The following PLXNA4 variants were observed in gnomAD, a reference collection of about 807,000 sequenced individuals.
PLXNA4 encodes plexin A4.
A neutral mutation model predicts 191.8 loss-of-function variants in PLXNA4; 44 were observed. The ratio of observed to expected loss-of-function variants is 0.23; its 90% CI spans 0.18 to 0.29. PLXNA4 has a LOEUF of 0.29. Among genes scored for constraint, PLXNA4 ranks in the 10% least tolerant of loss-of-function variants. PLXNA4 has a pLI of 1.00. For synonymous variants in PLXNA4, 1,082 were observed against 1,009.5 expected, an observed-to-expected ratio of 1.07 and a Z score of -1.36; for missense variants, 1,800 against 2,488.8, an observed-to-expected ratio of 0.72 and a Z score of 5.89.
chr7:132,350,575 G>A (rs986857514), intron 3 of PLXNA4, among the ~76,000 whole-genome samples: 17 of 152,094 alleles, frequency 1.1e-4, no homozygotes, highest in Non-Finnish European at 2.1e-4. Flanking sequence ...AAATCATAGC[G>A]TCAATGAGCA....
intron 1 of PLXNA4, among the ~76,000 whole-genome samples, chr7:132,537,916 A>G (rs1799916978): frequency 6.6e-6 from 1 of 152,246 alleles, no homozygotes; most frequent in Admixed American, 6.5e-5. Flanking sequence ...CTGGACACAC[A>G]GCCTGGGATC....
At chr7:132,223,972 C>T (rs1329306537) in intron 8 of PLXNA4, among the ~76,000 whole-genome samples, 1 of 152,098 alleles carries the variant, frequency 6.6e-6, no homozygotes, top group East Asian at 1.9e-4. Flanking sequence ...GTAGACAGAC[C>T]TAAGAGTTGG....
chr7:132,360,780 G>A (rs76714753), intron 3 of PLXNA4, among the ~76,000 whole-genome samples: 8,469 of 152,212 alleles, frequency 0.056, 479 homozygotes, highest in East Asian at 0.25. Context: ...TCTGCATTGG[G>A]CTGGCTTTAG....
intron 29 of PLXNA4, among the ~76,000 whole-genome samples, chr7:132,142,691 C>T (rs547366252): frequency 5.9e-5 from 9 of 152,268 alleles, no homozygotes; most frequent in Admixed American, 2.6e-4. Context: ...GGATGGCACC[C>T]AGGAAAGCTC....
chr7:132,337,108 T>G (rs962917278), intron 3 of PLXNA4, among the ~76,000 whole-genome samples: 2 of 152,232 alleles, frequency 1.3e-5, no homozygotes, highest in East Asian at 3.8e-4. Flanking sequence ...GCGGTGGCAA[T>G]GTGTCCGCAG....
At chr7:132,312,049 C>T (rs1045850770) in intron 3 of PLXNA4, among the ~76,000 whole-genome samples, 3 of 152,032 alleles carry the variant, frequency 2.0e-5, no homozygotes, top group South Asian at 4.2e-4. Flanking sequence ...TTAAGCCACC[C>T]CCGCCCTCAG....
chr7:132,267,905 C>A (rs148550078), intron 4 of PLXNA4, among the ~76,000 whole-genome samples: 2 of 152,198 alleles, frequency 1.3e-5, no homozygotes, highest in Non-Finnish European at 2.9e-5. Flanking sequence ...CAAGAGTTAA[C>A]TCCATCTGAC....
chr7:132,128,060 C>A lies in PLXNA4; in HGVS notation c.*2419G>T, dbSNP rs1383746531. The stretch of plus-strand genomic sequence containing the variant: ...GTTCACACACGCAGCTTCCATCCAG[C>A]AAATCTGTGTTAAATACGTTTGTGT... On this transcript the variant is annotated 3_prime_UTR_variant, in exon 32 of 32. Coordinates refer to ENST00000321063, the MANE Select transcript of PLXNA4 (RefSeq NM_020911.2). 2.0e-5 allele frequency: 3 copies of A among 150,334 alleles called. No individual in the cohort carries two copies. Among genetic ancestry groups the A allele is most frequent in the Non-Finnish European group, 4.4e-5 (3 of 67,884 alleles). The allele number at this position is 150,334 out of a possible 1,614,324, so 9.3% of individuals were successfully genotyped here. A position where few individuals can be genotyped will look rare whatever the true frequency, so the allele number is the denominator to read the frequency against.
chr7:132,638,468 A>G (rs1326755370), intron 2 of PLXNA4, among the ~76,000 whole-genome samples: 4 of 152,170 alleles, frequency 2.6e-5, no homozygotes, highest in African/African-American at 9.7e-5. Flanking sequence ...CCTGGCCAAC[A>G]TGGTGAAACC....
chr7:132,578,542 C>A (rs573941476), upstream of PLXNA4, among the ~76,000 whole-genome samples: 1 of 152,090 alleles, frequency 6.6e-6, no homozygotes, highest in Non-Finnish European at 1.5e-5. Flanking sequence ...TCACAGAAAT[C>A]GAAGTTGTGT....
intron 3 of PLXNA4, among the ~76,000 whole-genome samples, chr7:132,363,128 G>A (rs192928735): frequency 3.3e-5 from 5 of 152,264 alleles, no homozygotes; most frequent in African/African-American, 1.2e-4. Context: ...GGGACTACAG[G>A]CATGCGCCAC....
intron 4 of PLXNA4, among the ~76,000 whole-genome samples, chr7:132,242,681 T>C (rs1173610040): frequency 2.0e-5 from 3 of 152,298 alleles, no homozygotes; most frequent in Middle Eastern, 3.4e-3. Context: ...TTGACCTTGG[T>C]GGCCCTTCCT....
intron 1 of PLXNA4, among the ~76,000 whole-genome samples, chr7:132,572,772 G>A (rs1355855129): frequency 6.6e-6 from 1 of 152,188 alleles, no homozygotes; most frequent in East Asian, 1.9e-4. Flanking sequence ...GGGATCAGGT[G>A]GGAGTCTGGG....
intron 15 of PLXNA4, among the ~76,000 whole-genome samples, chr7:132,187,205 A>C (rs1480369227): frequency 6.6e-6 from 1 of 152,126 alleles, no homozygotes; most frequent in Non-Finnish European, 1.5e-5. Flanking sequence ...CCTTAAAAAA[A>C]CCCTAGTCTC....
chr7:132,443,215 C>T (rs1795760481), intron 3 of PLXNA4, among the ~76,000 whole-genome samples: 1 of 152,114 alleles, frequency 6.6e-6, no homozygotes, highest in African/African-American at 2.4e-5. Flanking sequence ...GGAGGTTTTC[C>T]TTCCTTTTTG....
intron 2 of PLXNA4, among the ~76,000 whole-genome samples, chr7:132,620,292 CTTG>C (rs138339256): frequency 0.052 from 7,948 of 152,036 alleles, 693 homozygotes; most frequent in African/African-American, 0.18. Flanking sequence ...TGAGAAGGTT[CTTG>C]TTGTTCTGTT....
chr7:132,206,211 C>T (rs1245241660), intron 10 of PLXNA4, among the ~76,000 whole-genome samples: 1 of 152,212 alleles, frequency 6.6e-6, no homozygotes, highest in Non-Finnish European at 1.5e-5. Flanking sequence ...CAAGATCATG[C>T]ACAGCATGCT....
chr7:132,227,371 T>C (rs1307777110), intron 7 of PLXNA4, 80 bp downstream of exon 7: 1 of 1,571,204 alleles, frequency 6.4e-7, no homozygotes. Flanking sequence ...GTTGCTTTGA[T>C]CCCCCCACAT....
rs1019029904 is a variant in PLXNA4, at chr7:132,303,462, G to A, written c.1372-5240C>T. On this transcript the variant is annotated intron_variant, in intron 3 of 31. Transcript: ENST00000321063. ...TGGGCGCCTGTAGTCCCAGCTACTC[G>A]GGATGCTAAGGCAGGAGAATAGCTT... 3.9e-5 allele frequency among the ~76,000 whole-genome samples: 6 copies of A among 152,060 alleles called. No individual in the cohort carries two copies. In the South Asian group the frequency reaches 6.2e-4, roughly 16 times the overall value.
Sources: allele counts gnomAD v4.1 joint callset (sites outside exome capture counted in the v4.1 genomes callset), GRCh38; gene constraint gnomAD v4.1.1; transcripts MANE v1.5; gene names NCBI Gene and HGNC (gene_info 2026-07-23, HGNC 2026-07-21).